NPAS3: variants seen among roughly 807,000 people sequenced by gnomAD.
The protein encoded by NPAS3 is neuronal PAS domain protein 3, also known as neuronal PAS domain-containing protein 3.
In NPAS3, 14 loss-of-function variants were observed where a neutral mutation model predicts 73.1. The observed-to-expected ratio is 0.19, with a 90% CI of 0.13 to 0.30. The LOEUF (loss-of-function observed/expected upper bound fraction) is 0.30, where lower values mean the gene tolerates loss of function less well. NPAS3 is among the 10% of genes least tolerant of loss of function. NPAS3 has a pLI of 1.00. For synonymous variants in NPAS3, 620 were observed against 541.5 expected (o/e 1.14, Z -2.01); for missense variants, 1,096 against 1,250.0 (o/e 0.88, Z 1.86).
At chr14:33,566,166 G>A (rs908103048) in intron 5 of NPAS3, among the ~76,000 whole-genome samples, 11 of 152,140 alleles carry the variant, frequency 7.2e-5, no homozygotes, top group Admixed American at 6.6e-4. Context: ...ATGCTTGGTG[G>A]TGAAGGCCTA....
chr14:33,448,324 C>A (rs1263117969), intron 4 of NPAS3, among the ~76,000 whole-genome samples: 1 of 152,056 alleles, frequency 6.6e-6, no homozygotes, highest in Non-Finnish European at 1.5e-5. Flanking sequence ...TAGGGAACTC[C>A]ATAATTTAAG....
At chr14:33,779,315 C>A (rs922924456) in intron 9 of NPAS3, among the ~76,000 whole-genome samples, 11 of 152,198 alleles carry the variant, frequency 7.2e-5, no homozygotes, top group Admixed American at 5.2e-4. Context: ...CGCATCCAAC[C>A]GCCCTGGCTG....
At chr14:33,089,038 C>CAAAGATCAAAGGTAGATAAAACCACT (rs57623601) in intron 2 of NPAS3, among the ~76,000 whole-genome samples, 1 of 144,654 alleles carries the variant, frequency 6.9e-6, no homozygotes, top group African/African-American at 2.7e-5. Flanking sequence ...TCACCATCAT[C>CAAAGATCAAAGGTAGATAAAACCACT]AAGATGAGGA....
At chr14:33,611,701 C>T (rs1002174572) in intron 5 of NPAS3, among the ~76,000 whole-genome samples, 19 of 152,184 alleles carry the variant, frequency 1.2e-4, no homozygotes, top group East Asian at 3.9e-4. Context: ...CTGTTCAAAA[C>T]AAAGAAGGCT....
chr14:33,462,287 C>G (rs2050306826), intron 4 of NPAS3, among the ~76,000 whole-genome samples: 2 of 152,180 alleles, frequency 1.3e-5, no homozygotes. Flanking sequence ...AGCTAATCCC[C>G]CCAGCACTAT....
rs907110361 is a variant in NPAS3, at chr14:33,557,193, C to T, written c.469-2928C>T. ...GGTTCCGCTATACTACATCCCTGCG[C>T]TTGAAAGGCTCTATCAGAAAAGACT... On this transcript the variant is annotated intron_variant, in intron 4 of 11. Transcript: ENST00000356141. Among the ~76,000 whole-genome samples, 3 of 152,022 alleles carry T rather than the reference C, an allele frequency of 2.0e-5. No homozygotes were observed. The South Asian group carries it at 6.2e-4, about 32-fold the overall frequency.
chr14:33,404,675 G>C (rs2047588273), intron 4 of NPAS3, among the ~76,000 whole-genome samples: 1 of 151,914 alleles, frequency 6.6e-6, no homozygotes, highest in Non-Finnish European at 1.5e-5. Flanking sequence ...ATATTAATTA[G>C]AGGCCACCTA....
At chr14:33,476,116 T>G (rs2051023723) in intron 4 of NPAS3, among the ~76,000 whole-genome samples, 1 of 152,338 alleles carries the variant, frequency 6.6e-6, no homozygotes, top group Non-Finnish European at 1.5e-5. Flanking sequence ...CATGTACAGT[T>G]TACTTCCTTT....
At chr14:33,681,765 A>C (rs2059944278) in intron 6 of NPAS3, among the ~76,000 whole-genome samples, 1 of 152,172 alleles carries the variant, frequency 6.6e-6, no homozygotes. Context: ...TTTATACATA[A>C]ATAGGGCTCA....
At chr14:33,519,085 G>A (rs2053443825) in intron 4 of NPAS3, among the ~76,000 whole-genome samples, 1 of 152,014 alleles carries the variant, frequency 6.6e-6, no homozygotes, top group Non-Finnish European at 1.5e-5. Flanking sequence ...AAGTGACATT[G>A]ACCACAGACA....
intron 3 of NPAS3, among the ~76,000 whole-genome samples, chr14:33,347,149 C>T (rs917519618): frequency 6.6e-6 from 1 of 152,154 alleles, no homozygotes; most frequent in Admixed American, 6.5e-5. Context: ...AAACTGGTGG[C>T]ATCAATTCAT....
At chr14:33,570,508 A>T (rs934965221) in intron 5 of NPAS3, among the ~76,000 whole-genome samples, 1 of 152,198 alleles carries the variant, frequency 6.6e-6, no homozygotes, top group Admixed American at 6.5e-5. Context: ...CTGAAATAAT[A>T]ATAAAAAAAC....
intron 4 of NPAS3, among the ~76,000 whole-genome samples, chr14:33,477,439 A>C (rs2051092969): frequency 6.6e-6 from 1 of 152,270 alleles, no homozygotes. Context: ...CTAACTCTGA[A>C]CAGAGATAAC....
chr14:33,196,550 G>A (rs1566663341), intron 2 of NPAS3, among the ~76,000 whole-genome samples: 1 of 152,184 alleles, frequency 6.6e-6, no homozygotes, highest in South Asian at 2.1e-4. Flanking sequence ...ATAGATGGGT[G>A]GCTCTCCAGC....
chr14:33,274,118 G>A (rs2041222514), intron 3 of NPAS3, among the ~76,000 whole-genome samples: 1 of 152,198 alleles, frequency 6.6e-6, no homozygotes, highest in African/African-American at 2.4e-5. Flanking sequence ...TGACACACAG[G>A]AAACGCAAGT....
At chr14:33,727,972 G>T (rs911034334) in intron 6 of NPAS3, among the ~76,000 whole-genome samples, 1 of 152,144 alleles carries the variant, frequency 6.6e-6, no homozygotes, top group Non-Finnish European at 1.5e-5. Context: ...TCTCAAAGGC[G>T]ATCTTTACGA....
At position 33,560,413 on chromosome 14, in the gene NPAS3, T is replaced by C. The variant is rs191863424; in HGVS notation, c.558+203T>C. ...AGAATAAACTTGTGCTCAAAAACTT[T>C]AGTTCCGCTCCCCACCCCCCAAGGA... is the stretch of plus-strand genomic sequence containing the variant. On this transcript the variant is annotated intron_variant, in intron 5 of 11. Transcript: ENST00000356141. 394 of 440,848 alleles carry C rather than the reference T, an allele frequency of 8.9e-4. 1 individual carries two copies. The highest frequency in any genetic ancestry group is 1.4e-3 in the Non-Finnish European group (342 of 245,768). The allele number at this position is 440,848 out of a possible 1,614,324, so 27.3% of individuals were successfully genotyped here.
chr14:33,648,081 T>C (rs1057036115), intron 5 of NPAS3, among the ~76,000 whole-genome samples: 7 of 152,096 alleles, frequency 4.6e-5, no homozygotes, highest in Admixed American at 4.6e-4. Context: ...TGCCCCCAGG[T>C]TACAAGAAAG....
intron 2 of NPAS3, among the ~76,000 whole-genome samples, chr14:33,189,660 A>G (rs1346573320): frequency 6.6e-6 from 1 of 152,218 alleles, no homozygotes; most frequent in South Asian, 2.1e-4. Context: ...GCCTAAAGCC[A>G]TTAGAGTATA....
Sources: gnomAD v4.1 joint callset for allele counts (sites outside exome capture counted in the v4.1 genomes callset) on GRCh38, gnomAD v4.1.1 for gene constraint, MANE v1.5 for transcripts, NCBI Gene and HGNC (gene_info 2026-07-23, HGNC 2026-07-21) for gene names.